The following ZNF536 variants were observed in gnomAD, a reference collection of about 807,000 sequenced individuals.
ZNF536 encodes the protein zinc finger protein 536.
In ZNF536, 13 loss-of-function variants were observed where a neutral mutation model predicts 84.5. The observed-to-expected ratio is 0.15, with a 90% CI of 0.10 to 0.24. ZNF536 has a LOEUF of 0.24. ZNF536 is among the 10% of genes least tolerant of loss of function. The probability of loss-of-function intolerance (pLI) is 1.00; values close to 1 mark genes in which losing one functional copy is unlikely to be tolerated. For missense variants in ZNF536, 1,536 were observed against 1,747.5 expected, an observed-to-expected ratio of 0.88 and a Z score of 2.16; for synonymous variants, 811 against 742.5, an observed-to-expected ratio of 1.09 and a Z score of -1.50.
intron 1 of ZNF536, among the ~76,000 whole-genome samples, chr19:30,439,423 G>A (rs956082369): frequency 9.9e-5 from 15 of 152,148 alleles, no homozygotes; most frequent in African/African-American, 3.1e-4. Flanking sequence ...AATTGGGGCC[G>A]ACCCAGGTTT....
chr19:30,413,701 AT>A (rs1205750623), intron 1 of ZNF536, among the ~76,000 whole-genome samples: 1 of 152,146 alleles, frequency 6.6e-6, no homozygotes. Flanking sequence ...CTTTTGCATT[AT>A]GTATTTTATA....
intron 1 of ZNF536, among the ~76,000 whole-genome samples, chr19:30,630,261 A>G (rs748212994): frequency 3.3e-5 from 5 of 152,188 alleles, no homozygotes; most frequent in African/African-American, 4.8e-5. Context: ...CAACTCATAT[A>G]TCTCAGGCAC....
chr19:30,709,625 T>G (rs975595050), intron 1 of ZNF536, among the ~76,000 whole-genome samples: 5 of 152,146 alleles, frequency 3.3e-5, no homozygotes, highest in Admixed American at 6.5e-5. Context: ...TTTTTGTTTG[T>G]TTGTTTGTTC....
chr19:30,693,047 A>T (rs34086192), intron 1 of ZNF536, among the ~76,000 whole-genome samples: 11,502 of 151,166 alleles, frequency 0.076, 516 homozygotes, highest in East Asian at 0.13. Context: ...AGAGAGAGAG[A>T]GAGTGTGTGT....
chr19:30,325,805 C>G (rs1459495080), intron 2 of ZNF536, among the ~76,000 whole-genome samples: 1 of 152,196 alleles, frequency 6.6e-6, no homozygotes, highest in African/African-American at 2.4e-5. Context: ...GATGTGCCCA[C>G]TGTTGGAGCA....
At chr19:30,575,906 G>A (rs550290200) in intron 1 of ZNF536, among the ~76,000 whole-genome samples, 58 of 152,280 alleles carry the variant, frequency 3.8e-4, no homozygotes, top group African/African-American at 1.3e-3. Context: ...GGGGAGGGAC[G>A]GGTCACAGAA....
chr19:30,670,691 G>A (rs2050514311), intron 1 of ZNF536, among the ~76,000 whole-genome samples: 2 of 152,224 alleles, frequency 1.3e-5, no homozygotes, highest in African/African-American at 4.8e-5. Context: ...CAGAGACAGA[G>A]GCCTTCCTTC....
intron 4 of ZNF536, among the ~76,000 whole-genome samples, chr19:30,551,578 G>A (rs1331162891): frequency 6.6e-6 from 1 of 152,098 alleles, no homozygotes; most frequent in South Asian, 2.1e-4. Flanking sequence ...CCCACCCCTC[G>A]CCTCTTTCAT....
chr19:30,624,618 T>A (rs2048608263), intron 1 of ZNF536, among the ~76,000 whole-genome samples: 1 of 152,200 alleles, frequency 6.6e-6, no homozygotes, highest in Admixed American at 6.5e-5. Flanking sequence ...GTTTTAAATA[T>A]GTCTGGAGTC....
chr19:30,678,522 C>T (rs2050839798), intron 1 of ZNF536, among the ~76,000 whole-genome samples: 1 of 152,164 alleles, frequency 6.6e-6, no homozygotes, highest in Non-Finnish European at 1.5e-5. Flanking sequence ...GTTACCTGTC[C>T]CAGCTCAGTT....
At chr19:30,523,497 C>T (rs1409096520) in intron 2 of ZNF536, among the ~76,000 whole-genome samples, 2 of 152,116 alleles carry the variant, frequency 1.3e-5, no homozygotes, top group African/African-American at 2.4e-5. Context: ...GGACTGCAAA[C>T]CTCTCCGCTT....
At chr19:30,286,833 G>A (rs557199760) in intron 2 of ZNF536, among the ~76,000 whole-genome samples, 1 of 152,300 alleles carries the variant, frequency 6.6e-6, no homozygotes, top group East Asian at 1.9e-4. Flanking sequence ...AATATTGCCT[G>A]CAGTATTTGC....
intron 1 of ZNF536, among the ~76,000 whole-genome samples, chr19:30,663,577 AG>A (rs1189642483): frequency 1.3e-5 from 2 of 152,160 alleles, no homozygotes; most frequent in African/African-American, 4.8e-5. Context: ...CCATCTGTAA[AG>A]TTCTAGATTT....
At chr19:30,621,639 T>A (rs2048485838) in intron 1 of ZNF536, among the ~76,000 whole-genome samples, 2 of 152,264 alleles carry the variant, frequency 1.3e-5, no homozygotes, top group Non-Finnish European at 2.9e-5. Context: ...AACTATGTTT[T>A]TGTTTTAAAC....
At chr19:30,514,787 G>A (rs1055282490) in intron 2 of ZNF536, among the ~76,000 whole-genome samples, 4 of 152,026 alleles carry the variant, frequency 2.6e-5, no homozygotes, top group Non-Finnish European at 5.9e-5. Context: ...TACTTGCAAC[G>A]TGAGGACCCC....
At chr19:30,267,882 CAG>C (rs2025597237) in intron 1 of ZNF536, among the ~76,000 whole-genome samples, 1 of 151,356 alleles carries the variant, frequency 6.6e-6, no homozygotes, top group Non-Finnish European at 1.5e-5. Context: ...GTGTGTGTGA[CAG>C]AGACACACAC....
chr19:30,498,678 G>C (rs887835325), intron 2 of ZNF536, among the ~76,000 whole-genome samples: 2 of 152,198 alleles, frequency 1.3e-5, no homozygotes, highest in Non-Finnish European at 2.9e-5. Flanking sequence ...AAGACAGAGA[G>C]GAATGCATTA....
At chr19:30,296,752 C>T (rs891488611) in intron 2 of ZNF536, among the ~76,000 whole-genome samples, 3 of 152,154 alleles carry the variant, frequency 2.0e-5, no homozygotes, top group African/African-American at 7.2e-5. Flanking sequence ...GCAGAGGCTG[C>T]GAGCCTTCTG....
chr19:30,364,617 T>A (rs1055788245), intron 3 of ZNF536, among the ~76,000 whole-genome samples: 10 of 152,136 alleles, frequency 6.6e-5, no homozygotes, highest in African/African-American at 2.4e-4. Flanking sequence ...GGAAGAAAGA[T>A]GGAAATTGGG....
Sources: gnomAD v4.1 joint callset for allele counts (sites outside exome capture counted in the v4.1 genomes callset) on GRCh38, gnomAD v4.1.1 for gene constraint, MANE v1.5 for transcripts, NCBI Gene and HGNC (gene_info 2026-07-23, HGNC 2026-07-21) for gene names.